SLC4A4: variants seen among roughly 807,000 people sequenced by gnomAD.
The protein encoded by SLC4A4 is electrogenic sodium bicarbonate cotransporter 1.
In SLC4A4, 27 loss-of-function variants were observed where a neutral mutation model predicts 111.5. That is an observed-to-expected ratio of 0.24 (90% CI 0.18 to 0.33). The LOEUF (loss-of-function observed/expected upper bound fraction) is 0.33, where lower values mean the gene tolerates loss of function less well. Among genes scored for constraint, SLC4A4 ranks in the 10% least tolerant of loss-of-function variants. The pLI, the probability that SLC4A4 is intolerant of heterozygous loss-of-function variation, is 1.00. For missense variants in SLC4A4, 909 were observed against 1,315.5 expected (o/e 0.69, Z 4.78); for synonymous variants, 443 against 463.4 (o/e 0.96, Z 0.57).
intron 7 of SLC4A4, among the ~76,000 whole-genome samples, chr4:71,416,014 C>T (rs1303575324): frequency 1.3e-5 from 2 of 152,176 alleles, no homozygotes; most frequent in African/African-American, 4.8e-5. Context: ...ATTTGTCCAG[C>T]GTCCCTCAGC....
chr4:71,228,081 C>A (rs1039956850), intron 1 of SLC4A4, among the ~76,000 whole-genome samples: 8 of 152,072 alleles, frequency 5.3e-5, no homozygotes, highest in African/African-American at 1.9e-4. Flanking sequence ...TGAATGAAGT[C>A]CTCCTTTCAG....
chr4:71,308,852 T>G (rs1297609255), intron 3 of SLC4A4, among the ~76,000 whole-genome samples: 1 of 152,088 alleles, frequency 6.6e-6, no homozygotes, highest in African/African-American at 2.4e-5. Context: ...GGAACCCCAG[T>G]GGTGCCTAGG....
intron 8 of SLC4A4, among the ~76,000 whole-genome samples, chr4:71,442,633 T>G (rs540696794): frequency 6.6e-6 from 1 of 152,206 alleles, no homozygotes; most frequent in Non-Finnish European, 1.5e-5. Context: ...TTTCATGATA[T>G]GTTTTAATGT....
chr4:71,520,992 G>A (rs1438358222), intron 16 of SLC4A4, among the ~76,000 whole-genome samples: 1 of 152,014 alleles, frequency 6.6e-6, no homozygotes, highest in Non-Finnish European at 1.5e-5. Context: ...AAAGTGCTGG[G>A]ATTATGGGCA....
chr4:71,078,244 A>G (rs1578456532), intron 1 of SLC4A4, among the ~76,000 whole-genome samples: 1 of 152,092 alleles, frequency 6.6e-6, no homozygotes, highest in Non-Finnish European at 1.5e-5. Context: ...TTATTTATTT[A>G]TTTGCCAGAC....
At chr4:71,142,658 A>G (rs567272332) in intron 2 of SLC4A4, among the ~76,000 whole-genome samples, 130 of 152,000 alleles carry the variant, frequency 8.6e-4, no homozygotes, top group Non-Finnish European at 4.4e-4. Flanking sequence ...GGCTTTTTGC[A>G]GCATCTTTCT....
At position 71,450,371 on chromosome 4, in the gene SLC4A4, T is replaced by A. The variant is rs1725650999; in HGVS notation, c.1054-18T>A. On this transcript the variant is annotated intron_variant, in intron 9 of 25. Coordinates refer to ENST00000264485, the MANE Select transcript of SLC4A4 (RefSeq NM_001098484.3). Reference sequence around the variant, plus strand: ...AGAGTTATCTTTTTGGATGAGCACATCTTTTATTATTCTTTAGGTGTTCCA... The same window carrying A: ...AGAGTTATCTTTTTGGATGAGCACAACTTTTATTATTCTTTAGGTGTTCCA... The A allele has an allele frequency of 1.3e-6, 2 of 1,587,930 alleles. No individual in the cohort carries two copies. Among genetic ancestry groups the A allele is most frequent in the Admixed American group, 1.7e-5 (1 of 59,922 alleles).
At chr4:71,080,750 T>A (rs1273576885) in intron 1 of SLC4A4, among the ~76,000 whole-genome samples, 1 of 152,068 alleles carries the variant, frequency 6.6e-6, no homozygotes, top group Non-Finnish European at 1.5e-5. Context: ...CCTCCTCATT[T>A]CACCTGGGTT....
intron 2 of SLC4A4, 37 bp from the exon 3 acceptor site, chr4:71,255,183 G>T: frequency 6.3e-7 from 1 of 1,583,448 alleles, no homozygotes; most frequent in South Asian, 1.1e-5. Context: ...TAGAGAATGT[G>T]GTTTGAACTG....
intron 3 of SLC4A4, among the ~76,000 whole-genome samples, chr4:71,278,553 A>C (rs114763000): frequency 1.3e-3 from 201 of 152,296 alleles, no homozygotes; most frequent in Non-Finnish European, 2.4e-3. Context: ...ACCAGTTTAC[A>C]TTTCTGCCAC....
intron 6 of SLC4A4, among the ~76,000 whole-genome samples, chr4:71,393,045 A>G (rs1719456925): frequency 1.3e-5 from 2 of 152,152 alleles, no homozygotes; most frequent in African/African-American, 4.8e-5. Flanking sequence ...TCTATGACAA[A>G]CCCACAGCCA....
chr4:71,406,337 T>A (rs1362264595), intron 7 of SLC4A4, among the ~76,000 whole-genome samples: 1 of 150,886 alleles, frequency 6.6e-6, no homozygotes, highest in African/African-American at 2.4e-5. Context: ...TTTTTTAACA[T>A]GTTGGGGCAT....
intron 1 of SLC4A4, among the ~76,000 whole-genome samples, chr4:71,076,532 T>TA (rs879532094): frequency 3.7e-4 from 53 of 144,784 alleles, no homozygotes; most frequent in East Asian, 1.0e-3. Context: ...ACTCTGTCTT[T>TA]AAAAAAAAAA....
At chr4:71,127,903 A>G (rs894312900) in intron 2 of SLC4A4, among the ~76,000 whole-genome samples, 7 of 152,302 alleles carry the variant, frequency 4.6e-5, no homozygotes, top group African/African-American at 1.7e-4. Flanking sequence ...CGGGAGGATC[A>G]TTTGAGTCCA....
At chr4:71,301,726 A>G (rs1444149978) in intron 3 of SLC4A4, among the ~76,000 whole-genome samples, 1 of 152,224 alleles carries the variant, frequency 6.6e-6, no homozygotes, top group Admixed American at 6.5e-5. Flanking sequence ...GCAAAGCCCA[A>G]TACAGCTGAT....
intron 16 of SLC4A4, among the ~76,000 whole-genome samples, chr4:71,499,991 G>A (rs975503226): frequency 6.6e-6 from 1 of 151,978 alleles, no homozygotes; most frequent in Admixed American, 6.6e-5. Flanking sequence ...TTATTTTTTG[G>A]GGGAAACTTT....
chr4:71,433,240 G>A (rs1025087729), intron 7 of SLC4A4, among the ~76,000 whole-genome samples: 18 of 150,532 alleles, frequency 1.2e-4, no homozygotes, highest in South Asian at 8.5e-4. Context: ...TCATAATCCC[G>A]CCAAATCTCC....
chr4:71,490,550 A>G (rs1396674177), intron 15 of SLC4A4, among the ~76,000 whole-genome samples: 1 of 151,780 alleles, frequency 6.6e-6, no homozygotes, highest in South Asian at 2.1e-4. Flanking sequence ...CAGATGGCAG[A>G]TACCTGAGCC....
chr4:71,306,308 C>T (rs115898899), intron 3 of SLC4A4, among the ~76,000 whole-genome samples: 16,657 of 152,188 alleles, frequency 0.11, 996 homozygotes, highest in South Asian at 0.28. Context: ...ATAGGCTGGG[C>T]GCGGTGGCTC....
Sources: gnomAD v4.1 joint callset for allele counts (sites outside exome capture counted in the v4.1 genomes callset) on GRCh38, gnomAD v4.1.1 for gene constraint, MANE v1.5 for transcripts, NCBI Gene and HGNC (gene_info 2026-07-23, HGNC 2026-07-21) for gene names.